Variants in HECW2 observed in about 807,000 individuals in gnomAD.
The protein encoded by HECW2 is HECT, C2 and WW domain containing E3 ubiquitin protein ligase 2.
A neutral mutation model predicts 175.2 loss-of-function variants in HECW2; 61 were observed. The ratio of observed to expected loss-of-function variants is 0.35; its 90% CI spans 0.28 to 0.43. The LOEUF is 0.43. HECW2 is among the 20% of genes least tolerant of loss of function. HECW2 has a pLI of 1.00. For synonymous variants in HECW2, 671 were observed against 731.0 expected (o/e 0.92, Z 1.32); for missense variants, 1,524 against 2,000.5 (o/e 0.76, Z 4.54).
intron 20 of HECW2, among the ~76,000 whole-genome samples, chr2:196,241,805 A>G (rs1034158943): frequency 6.6e-6 from 1 of 152,216 alleles, no homozygotes; most frequent in African/African-American, 2.4e-5. Context: ...ACAAAGACAT[A>G]CTTTTCAGAG....
chr2:196,320,480 G>T (rs368784863), intron 7 of HECW2, 41 bp from the exon 8 acceptor site: 23 of 1,332,100 alleles, frequency 1.7e-5, no homozygotes, highest in African/African-American at 1.4e-5. Context: ...GACTACGCTG[G>T]AGTCAGCCTT....
rs1385124348 is a variant in HECW2 at position 196,292,606 on chromosome 2, G to C, written c.2959C>G (p.Leu987Val). ...TGTTTCATTTCCCATCCCCGCGGCA[G>C]CTCTAGCTGTTTGTTCGCGAACATG... is the stretch of plus-strand genomic sequence containing the variant. ...LNMFANKQLELPRGWEMKHDH... is the reference protein window; with the variant it reads ...LNMFANKQLEVPRGWEMKHDH... The change falls in exon 14 of 29, where the codon CTG becomes GTG. Residue 987 changes from leucine to valine, a missense_variant. Leu to Val is a conservative substitution (Grantham distance 32, BLOSUM62 1). Transcript: ENST00000644978. 2.5e-6 allele frequency: 4 copies of C among 1,614,108 alleles called. No individual in the cohort carries two copies. The highest frequency in any genetic ancestry group is 3.4e-6 in the Non-Finnish European group (4 of 1,179,976).
At chr2:196,301,548 TTACTTTTTCA>T (rs1691053393) in intron 13 of HECW2, among the ~76,000 whole-genome samples, 1 of 152,196 alleles carries the variant, frequency 6.6e-6, no homozygotes, top group Non-Finnish European at 1.5e-5. Flanking sequence ...TGTTGTGTTC[TTACTTTTTCA>T]TAATGGCCAT....
At chr2:196,240,420 T>G (rs759499873) in intron 21 of HECW2, 29 bp downstream of exon 21, 1 of 1,489,812 alleles carries the variant, frequency 6.7e-7, no homozygotes, top group Non-Finnish European at 9.1e-7. Flanking sequence ...CAGCCTATGT[T>G]CCACAGGCCA....
chr2:196,278,493 A>C (rs773100980), intron 15 of HECW2, 35 bp downstream of exon 15: 1 of 1,601,018 alleles, frequency 6.2e-7, no homozygotes, highest in South Asian at 1.1e-5. Context: ...AGCTTCTATC[A>C]ACCAACAGGT....
At chr2:196,286,404 A>ATATATATATATATATATATATAT (rs1224813893) in intron 14 of HECW2, among the ~76,000 whole-genome samples, 15 of 151,340 alleles carry the variant, frequency 9.9e-5, no homozygotes, top group South Asian at 2.1e-4. Flanking sequence ...ATATATATTT[A>ATATATATATATATATATATATAT]AATCCATGCA....
At chr2:196,311,753 C>T (rs1392189722) in intron 10 of HECW2, among the ~76,000 whole-genome samples, 1 of 152,122 alleles carries the variant, frequency 6.6e-6, no homozygotes, top group Non-Finnish European at 1.5e-5. Flanking sequence ...GCTGAGATCA[C>T]GCCACTGCAC....
At chr2:196,333,227 C>A (rs1416364867) in intron 4 of HECW2, among the ~76,000 whole-genome samples, 2 of 152,046 alleles carry the variant, frequency 1.3e-5, no homozygotes, top group African/African-American at 4.8e-5. Flanking sequence ...TGTCTCTCTT[C>A]TGCACCAGAC....
intron 1 of HECW2, among the ~76,000 whole-genome samples, chr2:196,546,637 A>T (rs1363739982): frequency 6.6e-6 from 1 of 152,092 alleles, no homozygotes; most frequent in Non-Finnish European, 1.5e-5. Context: ...GACCTACCTA[A>T]AGGTTTCAGC....
chr2:196,318,795 C>T lies in HECW2; in HGVS notation c.2095G>A (p.Glu699Lys), dbSNP rs750600264. ...AAAGAACCAGCAGTGCACACGGATT[C>T]CTGCGACCCTTCGGCAGGGCCACTG... ...TSSGPAEGSQ[E>K]SVCTAGSLPV... is the part of the protein sequence containing the mutation. The change falls in exon 9 of 29, where the codon GAA becomes AAA. Residue 699 changes from glutamate to lysine, a missense_variant. Glu to Lys is a moderately conservative substitution (Grantham distance 56, BLOSUM62 1). Coordinates refer to ENST00000644978, the MANE Select transcript of HECW2 (RefSeq NM_001348768.2). 6.5e-7 allele frequency: 1 copy of T among 1,527,778 alleles called. No individual in the cohort carries two copies. The highest frequency in any genetic ancestry group is 8.8e-7 in the Non-Finnish European group (1 of 1,136,418). The allele number at this position is 1,527,778 out of a possible 1,614,324, so 94.6% of individuals were successfully genotyped here.
At chr2:196,332,835 A>G (rs1409216870) in intron 4 of HECW2, among the ~76,000 whole-genome samples, 3 of 152,192 alleles carry the variant, frequency 2.0e-5, no homozygotes, top group African/African-American at 7.2e-5. Context: ...AGTGCTTACT[A>G]TGTGACATGG....
intron 15 of HECW2, among the ~76,000 whole-genome samples, chr2:196,276,168 C>T (rs539806425): frequency 1.4e-4 from 21 of 152,306 alleles, no homozygotes; most frequent in East Asian, 5.8e-4. Context: ...ACCAGACCAG[C>T]GGACAGTGGG....
At chr2:196,433,519 T>A in intron 1 of HECW2, 61 bp from the exon 2 acceptor site, 1 of 1,260,976 alleles carries the variant, frequency 7.9e-7, no homozygotes, top group Non-Finnish European at 1.1e-6. Context: ...AGATTTAAGC[T>A]TTCCAGACAT....
chr2:196,420,141 A>G (rs1695370158), intron 2 of HECW2, among the ~76,000 whole-genome samples: 1 of 152,228 alleles, frequency 6.6e-6, no homozygotes, highest in South Asian at 2.1e-4. Context: ...AACTCAAACT[A>G]TGAAAATGTG....
At chr2:196,479,850 A>C (rs1686783891) in intron 1 of HECW2, among the ~76,000 whole-genome samples, 1 of 152,154 alleles carries the variant, frequency 6.6e-6, no homozygotes, top group African/African-American at 2.4e-5. Flanking sequence ...AAGAACTCTT[A>C]GCTTGTCTCT....
chr2:196,204,473 A>G (rs1686994825), intron 28 of HECW2, among the ~76,000 whole-genome samples: 1 of 152,212 alleles, frequency 6.6e-6, no homozygotes, highest in African/African-American at 2.4e-5. Flanking sequence ...GGAAGCTACT[A>G]TGAATTCTAT....
intron 22 of HECW2, among the ~76,000 whole-genome samples, chr2:196,226,445 C>A (rs1687855152): frequency 6.6e-6 from 1 of 152,112 alleles, no homozygotes; most frequent in African/African-American, 2.4e-5. Context: ...TATAGCAATG[C>A]AAGAATGGGC....
chr2:196,313,735 A>G (rs1461331144), intron 10 of HECW2, among the ~76,000 whole-genome samples: 3 of 152,188 alleles, frequency 2.0e-5, no homozygotes, highest in African/African-American at 7.2e-5. Context: ...CAAGAACAAC[A>G]ATAATAATGA....
chr2:196,246,681 T>C (rs907575797), intron 19 of HECW2, among the ~76,000 whole-genome samples: 47 of 152,114 alleles, frequency 3.1e-4, no homozygotes, highest in Non-Finnish European at 1.6e-4. Flanking sequence ...TGAGCCACTG[T>C]GCCCTGCCAA....
Sources: gnomAD v4.1 joint callset for allele counts (sites outside exome capture counted in the v4.1 genomes callset) on GRCh38, gnomAD v4.1.1 for gene constraint, MANE v1.5 for transcripts, NCBI Gene and HGNC (gene_info 2026-07-23, HGNC 2026-07-21) for gene names.